Variants in CNTNAP2 observed in about 807,000 individuals in gnomAD.
CNTNAP2 encodes contactin associated protein 2.
A neutral mutation model predicts 155.2 loss-of-function variants in CNTNAP2; 98 were observed. The observed-to-expected ratio is 0.63, with a 90% CI of 0.54 to 0.75. CNTNAP2 has a LOEUF of 0.75. Among genes scored for constraint, CNTNAP2 ranks in the 30% least tolerant of loss-of-function variants. CNTNAP2 has a pLI of 0.00. For missense variants in CNTNAP2, 1,727 were observed against 1,688.1 expected (o/e 1.02, Z -0.40); for synonymous variants, 651 against 631.2 (o/e 1.03, Z -0.47).
chr7:146,484,847 C>G (rs529279907), intron 1 of CNTNAP2, among the ~76,000 whole-genome samples: 1 of 151,990 alleles, frequency 6.6e-6, no homozygotes, highest in South Asian at 2.1e-4. Context: ...TTCCTCCAAC[C>G]CTTACATATT....
intron 8 of CNTNAP2, among the ~76,000 whole-genome samples, chr7:147,232,263 A>G (rs530709067): frequency 1.2e-4 from 19 of 152,352 alleles, no homozygotes; most frequent in South Asian, 4.1e-4. Flanking sequence ...ACAGCGATCT[A>G]CAAATTCAAA....
At chr7:147,504,701 AC>A (rs572148301) in intron 11 of CNTNAP2, among the ~76,000 whole-genome samples, 39 of 41,004 alleles carry the variant, frequency 9.5e-4, no homozygotes, top group African/African-American at 1.6e-3. Context: ...AAAAAAAAAA[AC>A]AAAAAACCTC....
At chr7:146,934,312 A>G (rs977699292) in intron 3 of CNTNAP2, among the ~76,000 whole-genome samples, 1 of 152,018 alleles carries the variant, frequency 6.6e-6, no homozygotes, top group Non-Finnish European at 1.5e-5. Context: ...GAAATTGGAA[A>G]TCATCATTCT....
chr7:146,643,327 A>G (rs1328491075), intron 1 of CNTNAP2, among the ~76,000 whole-genome samples: 4 of 152,066 alleles, frequency 2.6e-5, no homozygotes, highest in South Asian at 2.1e-4. Flanking sequence ...ATCTTGAATT[A>G]ATTTTTGTAT....
intron 1 of CNTNAP2, among the ~76,000 whole-genome samples, chr7:146,378,316 C>A (rs1271207752): frequency 6.6e-6 from 1 of 152,026 alleles, no homozygotes; most frequent in East Asian, 1.9e-4. Flanking sequence ...TTGCCTTTTG[C>A]AGAGCTTCCC....
At chr7:147,949,460 T>TA (rs60849459) in intron 14 of CNTNAP2, among the ~76,000 whole-genome samples, 4,133 of 91,978 alleles carry the variant, frequency 0.045, 195 homozygotes, top group African/African-American at 0.12. Flanking sequence ...ATATATATAT[T>TA]TTTTTTTTTT....
At chr7:146,348,256 T>TA in intron 1 of CNTNAP2, among the ~76,000 whole-genome samples, 1 of 151,840 alleles carries the variant, frequency 6.6e-6, no homozygotes, top group East Asian at 1.9e-4. Context: ...CTGTCTCTAC[T>TA]AAAAATATAA....
chr7:147,374,500 C>T (rs1796401905), intron 9 of CNTNAP2, among the ~76,000 whole-genome samples: 2 of 152,182 alleles, frequency 1.3e-5, no homozygotes, highest in African/African-American at 4.8e-5. Context: ...GCTTCTGAAT[C>T]ATTTATCCAT....
At chr7:147,235,400 A>G (rs539246868) in intron 8 of CNTNAP2, among the ~76,000 whole-genome samples, 1 of 151,196 alleles carries the variant, frequency 6.6e-6, no homozygotes, top group South Asian at 2.1e-4. Context: ...ATACACATAC[A>G]CGTGTATCCT....
intron 3 of CNTNAP2, among the ~76,000 whole-genome samples, chr7:146,938,524 A>G (rs778210136): frequency 4.0e-5 from 6 of 151,674 alleles, no homozygotes; most frequent in Non-Finnish European, 8.8e-5. Context: ...TAAGAATGAC[A>G]TCACTGCAAA....
chr7:147,076,396 T>G (rs540669558), intron 4 of CNTNAP2, among the ~76,000 whole-genome samples: 1 of 152,304 alleles, frequency 6.6e-6, no homozygotes, highest in East Asian at 1.9e-4. Flanking sequence ...TGATGAGCAT[T>G]TTTTCATGTG....
intron 13 of CNTNAP2, among the ~76,000 whole-genome samples, chr7:147,655,404 T>A (rs543114600): frequency 6.6e-6 from 1 of 152,360 alleles, no homozygotes; most frequent in East Asian, 1.9e-4. Context: ...ATTACAGGCG[T>A]GAGCCACCGC....
chr7:147,276,727 A>G (rs1211570948), intron 8 of CNTNAP2, among the ~76,000 whole-genome samples: 2 of 152,050 alleles, frequency 1.3e-5, no homozygotes, highest in African/African-American at 2.4e-5. Context: ...GGGAACAGAT[A>G]TGGCAATATT....
At chr7:146,686,988 G>C (rs1299868614) in intron 1 of CNTNAP2, among the ~76,000 whole-genome samples, 2 of 152,066 alleles carry the variant, frequency 1.3e-5, no homozygotes, top group African/African-American at 4.8e-5. Flanking sequence ...CAATTATTCT[G>C]CCAATAAGGT....
rs766917054 is a variant in CNTNAP2 at position 147,242,987 on chromosome 7, A to ATTTTTTTTTTTTTT, written c.1349-57138_1349-57125dup. On this transcript the variant is annotated intron_variant, in intron 8 of 23. Coordinates refer to ENST00000361727, the MANE Select transcript of CNTNAP2 (RefSeq NM_014141.6). ...TGTTGTATTCCACACTATGCTTTGCATTTTTTTTTTTTTTTTTTTTTTTTT... is the reference window on the plus strand; with the variant it reads ...TGTTGTATTCCACACTATGCTTTGCATTTTTTTTTTTTTTTTTTTTTTTTTTTTTTTTTTTTTTT... 4.4e-3 allele frequency among the ~76,000 whole-genome samples: 208 copies of ATTTTTTTTTTTTTT among 47,166 alleles called. 63 individuals carry two copies. The highest frequency in any genetic ancestry group is 0.023 in the East Asian group (24 of 1,050). The allele number at this position is 47,166 out of a possible 152,430, so 30.9% of individuals were successfully genotyped here.
intron 1 of CNTNAP2, among the ~76,000 whole-genome samples, chr7:146,707,690 A>G (rs1052520392): frequency 6.6e-5 from 10 of 152,094 alleles, no homozygotes; most frequent in African/African-American, 1.9e-4. Context: ...TCCTCTGTCT[A>G]TTTCCTATTC....
intron 16 of CNTNAP2, among the ~76,000 whole-genome samples, chr7:148,121,463 G>A (rs1447603107): frequency 2.0e-5 from 3 of 152,160 alleles, no homozygotes; most frequent in East Asian, 1.9e-4. Context: ...CAACAGTGGC[G>A]GGCTACCAGA....
Position 148,229,643 on chromosome 7 carries a change from T to C in CNTNAP2, c.3248-3T>C, listed in dbSNP as rs794727326. 6.2e-7 allele frequency: 1 copy of C among 1,614,134 alleles called. No individual in the cohort carries two copies. The highest frequency in any genetic ancestry group is 1.1e-5 in the South Asian group (1 of 91,078). ...TTACTGAGCTTTCTTTTTTCTTCTA[T>C]AGGAAGCTTACAGATTCGATACAAC... On this transcript the variant is annotated splice_polypyrimidine_tract_variant and splice_region_variant and intron_variant, in intron 19 of 23. Coordinates refer to ENST00000361727, the MANE Select transcript of CNTNAP2 (RefSeq NM_014141.6).
At chr7:146,149,421 T>C (rs1798004166) in intron 1 of CNTNAP2, among the ~76,000 whole-genome samples, 1 of 152,138 alleles carries the variant, frequency 6.6e-6, no homozygotes, top group Non-Finnish European at 1.5e-5. Context: ...GCAGCTTGTA[T>C]CAGAAGCTTG....
Sources: allele counts gnomAD v4.1 joint callset (sites outside exome capture counted in the v4.1 genomes callset), GRCh38; gene constraint gnomAD v4.1.1; transcripts MANE v1.5; gene names NCBI Gene and HGNC (gene_info 2026-07-23, HGNC 2026-07-21).